The following PLCG2 variants were observed in gnomAD, a reference collection of about 807,000 sequenced individuals.
PLCG2 encodes phospholipase C gamma 2.
Under a neutral mutation model 175.6 loss-of-function variants are expected in PLCG2, and 69 were observed. The ratio of observed to expected loss-of-function variants is 0.39; its 90% CI spans 0.32 to 0.48. The LOEUF is 0.48. Among genes scored for constraint, PLCG2 ranks in the 20% least tolerant of loss-of-function variants. The probability of loss-of-function intolerance (pLI) is 0.91; values close to 1 mark genes in which losing one functional copy is unlikely to be tolerated. For missense variants in PLCG2, 1,798 were observed against 1,650.9 expected, an observed-to-expected ratio of 1.09 and a Z score of -1.54; for synonymous variants, 827 against 624.0, an observed-to-expected ratio of 1.33 and a Z score of -4.85.
chr16:81,897,951 C>G (rs1475416660), intron 13 of PLCG2: 2 of 440,356 alleles, frequency 4.5e-6, no homozygotes, highest in African/African-American at 4.0e-5. Context: ...TGGTGAAAAC[C>G]TTTCAATGAA....
In PLCG2 at chr16:81,805,767, G is replaced by GTTTTGTTTTTTT. The variant is rs1555508066; in HGVS notation, c.193+19589_193+19590insGTTTTTTTTTTT. 7.6e-4 allele frequency among the ~76,000 whole-genome samples: 30 copies of GTTTTGTTTTTTT among 39,496 alleles called. 5 individuals carry two copies. The highest frequency in any genetic ancestry group is 2.3e-3 in the African/African-American group (19 of 8,158). 25.9% of individuals were successfully genotyped at this position (39,496 alleles called of 152,430 possible). On this transcript the variant is annotated intron_variant, in intron 2 of 32. Coordinates refer to ENST00000564138, the MANE Select transcript of PLCG2 (RefSeq NM_002661.5). ...AGCCATGAGAGTAGTGTTTTGTTTT[G>GTTTTGTTTTTTT]TTTTTTTTTTTTTTTGTTTTTTTTT...
Position 81,780,564 on chromosome 16 carries a change from T to C in PLCG2, c.-48+1140T>C, listed in dbSNP as rs367796511. Reference sequence around the variant, plus strand: ...TATACCAGCTCAGGGACAATCGTCATTGTGAGCCTCACTGATGTTTAAGTC... The same window carrying C: ...TATACCAGCTCAGGGACAATCGTCACTGTGAGCCTCACTGATGTTTAAGTC... On this transcript the variant is annotated intron_variant, in intron 1 of 32. Transcript: ENST00000564138. Among the ~76,000 whole-genome samples, 4 of 152,204 alleles carry C rather than the reference T, an allele frequency of 2.6e-5. No individual in the cohort carries two copies. In the East Asian group the frequency reaches 5.8e-4, roughly 22 times the overall value.
intron 31 of PLCG2, among the ~76,000 whole-genome samples, chr16:81,951,764 AACACCAGC>A (rs1191750401): frequency 3.9e-5 from 6 of 152,382 alleles, no homozygotes; most frequent in African/African-American, 1.4e-4. Flanking sequence ...AGGATGGTTT[AACACCAGC>A]ACAGTTAGCA....
chr16:81,835,681 A>G (rs1344024013), intron 2 of PLCG2, among the ~76,000 whole-genome samples: 1 of 152,228 alleles, frequency 6.6e-6, no homozygotes, highest in Non-Finnish European at 1.5e-5. Flanking sequence ...GCCATAACAC[A>G]AGTGCCACAA....
intron 5 of PLCG2, among the ~76,000 whole-genome samples, chr16:81,860,654 A>G (rs1302362407): frequency 1.3e-5 from 2 of 152,060 alleles, no homozygotes; most frequent in Admixed American, 6.6e-5. Flanking sequence ...GGTATGATTC[A>G]GCTCTTGATA....
chr16:81,789,621 C>T (rs1597319666), intron 2 of PLCG2, among the ~76,000 whole-genome samples: 1 of 152,196 alleles, frequency 6.6e-6, no homozygotes, highest in Admixed American at 6.5e-5. Context: ...TGTTCAGCCT[C>T]TTTATTTCCT....
intron 13 of PLCG2, among the ~76,000 whole-genome samples, chr16:81,898,992 A>C (rs1909019540): frequency 6.6e-6 from 1 of 152,180 alleles, no homozygotes; most frequent in Non-Finnish European, 1.5e-5. Context: ...TGAGACCAGC[A>C]GCCTGGCCAA....
upstream of PLCG2, among the ~76,000 whole-genome samples, chr16:81,776,945 C>T (rs7193195): frequency 0.69 from 104,421 of 151,992 alleles, 36,260 homozygotes; most frequent in African/African-American, 0.76. Flanking sequence ...TTCCTTCAGT[C>T]GTTCACCTGG....
rs371557411 is a variant in PLCG2, at chr16:81,910,372, T to A, written c.1734-148T>A. The stretch of plus-strand genomic sequence containing the variant: ...TCCCAAAGTGCTGGGATTACAGGCA[T>A]GAGCCACTGCGCCCAGCCTCCTGTG... On this transcript the variant is annotated intron_variant, in intron 17 of 32. Transcript: ENST00000564138. 72 of 697,540 alleles carry A rather than the reference T, an allele frequency of 1.0e-4. 1 individual carries two copies. Among genetic ancestry groups the A allele is most frequent in the African/African-American group, 4.7e-4 (27 of 57,214 alleles). 43.2% of individuals were successfully genotyped at this position (697,540 alleles called of 1,614,324 possible). A position where few individuals can be genotyped will look rare whatever the true frequency, so the allele number is the denominator to read the frequency against.
intron 4 of PLCG2, 46 bp from the exon 5 acceptor site, chr16:81,859,070 C>G (rs375723730): frequency 1.6e-6 from 2 of 1,217,818 alleles, no homozygotes; most frequent in Non-Finnish European, 2.4e-6. Flanking sequence ...GTGCTATTTT[C>G]TAATTTTCTC....
intron 2 of PLCG2, among the ~76,000 whole-genome samples, chr16:81,806,912 A>T (rs1288302936): frequency 6.6e-6 from 1 of 152,012 alleles, no homozygotes; most frequent in Non-Finnish European, 1.5e-5. Context: ...CAGGGGTCAC[A>T]TGACCCAGGG....
At chr16:81,899,272 A>G (rs13333255) in intron 13 of PLCG2, among the ~76,000 whole-genome samples, 28,177 of 144,254 alleles carry the variant, frequency 0.2, 2,745 homozygotes, top group South Asian at 0.27. Context: ...GTATGTGTGT[A>G]TATATATATA....
intron 2 of PLCG2, among the ~76,000 whole-genome samples, chr16:81,769,784 C>T (rs1910235640): frequency 1.5e-5 from 2 of 130,784 alleles, no homozygotes; most frequent in South Asian, 2.4e-4. Context: ...CCCGCCACTG[C>T]ACTCCAGCCT....
At chr16:81,748,326 G>T (rs889447724) in intron 1 of PLCG2, among the ~76,000 whole-genome samples, 2 of 152,052 alleles carry the variant, frequency 1.3e-5, no homozygotes, top group African/African-American at 4.8e-5. Context: ...GAAGGTGGAA[G>T]TTGCAGTAAG....
chr16:81,773,794 A>G (rs537370724), intron 2 of PLCG2, among the ~76,000 whole-genome samples: 116 of 152,268 alleles, frequency 7.6e-4, no homozygotes, highest in African/African-American at 2.7e-3. Flanking sequence ...TGAAGCTTAC[A>G]GCGGCTGCAA....
chr16:81,946,760 T>G (rs1911166286), intron 31 of PLCG2, among the ~76,000 whole-genome samples: 1 of 152,188 alleles, frequency 6.6e-6, no homozygotes, highest in Non-Finnish European at 1.5e-5. Context: ...TTTTCCTCCT[T>G]TACGCCAGAA....
intron 9 of PLCG2, among the ~76,000 whole-genome samples, chr16:81,884,411 C>G (rs1292467621): frequency 1.3e-5 from 2 of 151,982 alleles, no homozygotes; most frequent in Admixed American, 1.3e-4. Flanking sequence ...AAGAAGTATT[C>G]AGCACCAAGT....
intron 2 of PLCG2, among the ~76,000 whole-genome samples, chr16:81,845,352 AC>A (rs1251696142): frequency 6.6e-6 from 1 of 152,178 alleles, no homozygotes; most frequent in East Asian, 1.9e-4. Context: ...TTTGCCAGGT[AC>A]TATTTTAATT....
rs34085438 is a variant in PLCG2, at chr16:81,772,655, C to CAA, written c.-47-13273_-47-13272dup. Among the ~76,000 whole-genome samples, 1,117 of 140,118 alleles carry CAA rather than the reference C, an allele frequency of 8.0e-3. 11 individuals are homozygous for CAA. The highest frequency in any genetic ancestry group is 0.031 in the South Asian group (132 of 4,300). The allele number at this position is 140,118 out of a possible 152,430, so 91.9% of individuals were successfully genotyped here. A position where few individuals can be genotyped will look rare whatever the true frequency, so the allele number is the denominator to read the frequency against. ...TGAAACCCTGTTTCTACTAAAAATA[C>CAA]AAAAAAAAAAAAAAAAGCTGGGTGT... On this transcript the variant is annotated intron_variant, in intron 2 of 5. Transcript: ENST00000565054.
Sources: gnomAD v4.1 joint callset for allele counts (sites outside exome capture counted in the v4.1 genomes callset) on GRCh38, gnomAD v4.1.1 for gene constraint, MANE v1.5 for transcripts, NCBI Gene and HGNC (gene_info 2026-07-23, HGNC 2026-07-21) for gene names.